PCDHGA6: variants seen among roughly 807,000 people sequenced by gnomAD.
PCDHGA6 encodes protocadherin gamma-A6.
In PCDHGA6, 41 loss-of-function variants were observed where a neutral mutation model predicts 60.6. The observed-to-expected ratio is 0.68, with a 90% CI of 0.53 to 0.88. The LOEUF is 0.88. PCDHGA6 is among the 40% of genes least tolerant of loss of function. PCDHGA6 has a pLI of 0.00. For missense variants in PCDHGA6, 1,312 were observed against 1,203.0 expected, an observed-to-expected ratio of 1.09 and a Z score of -1.34; for synonymous variants, 594 against 524.4, an observed-to-expected ratio of 1.13 and a Z score of -1.81.
In PCDHGA6 at chr5:141,399,219, G is replaced by A. The variant is rs775267424; in HGVS notation, c.2424+22712G>A. The A allele has an allele frequency of 2.5e-6, 4 of 1,613,924 alleles. No homozygotes were observed. The South Asian group carries it at 3.3e-5, about 13-fold the overall frequency. On this transcript the variant is annotated intron_variant, in intron 1 of 3. Coordinates refer to ENST00000517434, the MANE Select transcript of PCDHGA6 (RefSeq NM_018919.3). Reference sequence around the variant, plus strand: ...CGGTGCCTGGAACACTAATTGCTTTGATCAAAATACATGACCAAGATTCTG... The same window carrying A: ...CGGTGCCTGGAACACTAATTGCTTTAATCAAAATACATGACCAAGATTCTG...
At chr5:141,433,995 C>G (rs995723859) in intron 1 of PCDHGA6, among the ~76,000 whole-genome samples, 1 of 152,028 alleles carries the variant, frequency 6.6e-6, no homozygotes, top group Non-Finnish European at 1.5e-5. Context: ...GTTTTATATT[C>G]TCTATATATG....
intron 1 of PCDHGA6, chr5:141,414,301 C>A (rs199806270): frequency 1.1e-5 from 18 of 1,613,280 alleles, no homozygotes; most frequent in Non-Finnish European, 1.7e-6. Flanking sequence ...TTTAAATGTG[C>A]ATGATTTAGA....
At chr5:141,409,979 G>T in intron 1 of PCDHGA6, 1 of 1,613,348 alleles carries the variant, frequency 6.2e-7, no homozygotes, top group Non-Finnish European at 8.5e-7. Flanking sequence ...TAAGGTGGTA[G>T]CGGTGGACGC....
At chr5:141,439,898 C>A (rs1428014089) in intron 1 of PCDHGA6, 2 of 152,344 alleles carry the variant, frequency 1.3e-5, no homozygotes, top group African/African-American at 4.8e-5. Flanking sequence ...ACCAAGGCGA[C>A]TACTGCCTCC....
chr5:141,485,093 T>C lies in PCDHGA6; in HGVS notation c.2425-9714T>C. 1 of 1,076,296 alleles carries C rather than the reference T, an allele frequency of 9.3e-7. No homozygotes were observed. Among genetic ancestry groups the C allele is most frequent in the Non-Finnish European group, 1.4e-6 (1 of 718,118 alleles). 66.7% of individuals were successfully genotyped at this position (1,076,296 alleles called of 1,614,324 possible). ...TGGCGCGGGGAAAGGGAGATAGGTG[T>C]CTCCAGCTGCTGTGGCTGTTTGGGG... On this transcript the variant is annotated intron_variant, in intron 1 of 3. Coordinates refer to ENST00000517434, the MANE Select transcript of PCDHGA6 (RefSeq NM_018919.3). The surrounding 1 kb of genome is among the most constrained non-coding windows in gnomAD (Gnocchi z 5.7).
chr5:141,383,869 G>C (rs1311272718), intron 1 of PCDHGA6: 1 of 1,613,980 alleles, frequency 6.2e-7, no homozygotes, highest in Non-Finnish European at 8.5e-7. Context: ...GGCTCAAGAT[G>C]GTCCTGGTAG....
At chr5:141,390,204 G>A in intron 1 of PCDHGA6, 1 of 1,614,036 alleles carries the variant, frequency 6.2e-7, no homozygotes, top group Non-Finnish European at 8.5e-7. Flanking sequence ...GTTGAGTTCA[G>A]GACAAGACAT....
intron 1 of PCDHGA6, among the ~76,000 whole-genome samples, chr5:141,438,139 T>C (rs2097931816): frequency 6.6e-6 from 1 of 152,152 alleles, no homozygotes. Context: ...TGGCAAAAGA[T>C]AGCCAGCCTA....
chr5:141,415,515 G>A (rs752258863), intron 1 of PCDHGA6: 5 of 1,614,152 alleles, frequency 3.1e-6, no homozygotes, highest in South Asian at 1.1e-5. Flanking sequence ...CCAATTATGC[G>A]GACACGCTCA....
chr5:141,490,585 G>C lies in PCDHGA6; in HGVS notation c.2425-4222G>C. On this transcript the variant is annotated intron_variant, in intron 1 of 3. Transcript: ENST00000517434. The surrounding 1 kb of genome is among the most constrained non-coding windows in gnomAD (Gnocchi z 5.4). Reference sequence around the variant, plus strand: ...CAGGCTCAACATTTCAGATGTCAATGACAATGCACCCCGCTTCAACCAGCA... The same window carrying C: ...CAGGCTCAACATTTCAGATGTCAATCACAATGCACCCCGCTTCAACCAGCA... The C allele has an allele frequency of 6.2e-7, 1 of 1,614,142 alleles. No homozygotes were observed. Among genetic ancestry groups the C allele is most frequent in the South Asian group, 1.1e-5 (1 of 91,078 alleles).
intron 1 of PCDHGA6, among the ~76,000 whole-genome samples, chr5:141,492,167 C>T (rs565536989): frequency 6.6e-6 from 1 of 152,344 alleles, no homozygotes; most frequent in East Asian, 1.9e-4. Context: ...CCTATCCCCG[C>T]ATCACCCAAC....
rs1214425261 is a variant in PCDHGA6 at position 141,485,865 on chromosome 5, C to G, written c.2425-8942C>G. On this transcript the variant is annotated intron_variant, in intron 1 of 3. Coordinates refer to ENST00000517434, the MANE Select transcript of PCDHGA6 (RefSeq NM_018919.3). This position sits in a 1 kb window ranked among gnomAD's most constrained non-coding sequence, Gnocchi z 5.7. The stretch of plus-strand genomic sequence containing the variant: ...TCTGGCACCGCAGAGCTCCGGGTAT[C>G]CGTGCTGGACGTAAACGACAACGCC... The G allele has an allele frequency of 1.2e-6, 2 of 1,614,182 alleles. No individual in the cohort carries two copies.
chr5:141,453,669 G>T (rs1390396079), intron 1 of PCDHGA6, among the ~76,000 whole-genome samples: 1 of 152,034 alleles, frequency 6.6e-6, no homozygotes, highest in Non-Finnish European at 1.5e-5. Context: ...TTACACAAAA[G>T]GTAACACACT....
rs930862898 is a variant in PCDHGA6 at position 141,480,073 on chromosome 5, C to A, written c.2425-14734C>A. ...GGAATAATAAGTGTTTTATAAGATT[C>A]ATGCATGATATAATGTATGCAAAGT... On this transcript the variant is annotated intron_variant, in intron 1 of 3. Coordinates refer to ENST00000517434, the MANE Select transcript of PCDHGA6 (RefSeq NM_018919.3). Among the ~76,000 whole-genome samples, 5 of 152,174 alleles carry A rather than the reference C, an allele frequency of 3.3e-5. No homozygotes were observed. In the South Asian group the frequency reaches 8.3e-4, roughly 25 times the overall value.
intron 1 of PCDHGA6, among the ~76,000 whole-genome samples, chr5:141,451,073 C>A (rs1346074089): frequency 6.6e-6 from 1 of 151,958 alleles, no homozygotes; most frequent in Non-Finnish European, 1.5e-5. Flanking sequence ...TGTGATCCAC[C>A]CACCTTGACC....
Position 141,489,830 on chromosome 5 carries a change from A to C in PCDHGA6, c.2425-4977A>C. On this transcript the variant is annotated intron_variant, in intron 1 of 3. Transcript: ENST00000517434. The surrounding 1 kb of genome is among the most constrained non-coding windows in gnomAD (Gnocchi z 4.5). ...AAGCCATTCCCAGAGCTGGTGCTAG[A>C]GCAGCAGCTGGATCGTGAAGCCCAG... 1 of 1,614,200 alleles carries C rather than the reference A, an allele frequency of 6.2e-7. No homozygotes were observed. Among genetic ancestry groups the C allele is most frequent in the Non-Finnish European group, 8.5e-7 (1 of 1,180,010 alleles).
intron 1 of PCDHGA6, chr5:141,419,158 C>T (rs757849297): frequency 5.0e-6 from 8 of 1,613,950 alleles, no homozygotes; most frequent in Admixed American, 1.7e-5. Context: ...CTCCGTTATC[C>T]TCCAGCAAAA....
Position 141,486,515 on chromosome 5 carries a change from G to A in PCDHGA6, c.2425-8292G>A. ...AACTATTTTCCTCAATATTTCAGAT[G>A]TGAATGATAATCCACCCTCTTTCTT... On this transcript the variant is annotated intron_variant, in intron 1 of 3. Transcript: ENST00000517434. This position sits in a 1 kb window ranked among gnomAD's most constrained non-coding sequence, Gnocchi z 5.0. 1 of 1,614,172 alleles carries A rather than the reference G, an allele frequency of 6.2e-7. No individual in the cohort carries two copies. The highest frequency in any genetic ancestry group is 8.5e-7 in the Non-Finnish European group (1 of 1,180,026).
At chr5:141,453,379 C>T (rs980792532) in intron 1 of PCDHGA6, among the ~76,000 whole-genome samples, 1 of 152,050 alleles carries the variant, frequency 6.6e-6, no homozygotes, top group Non-Finnish European at 1.5e-5. Context: ...AGTGATCCTC[C>T]TGCCTTAGCC....
Sources: allele counts gnomAD v4.1 joint callset (sites outside exome capture counted in the v4.1 genomes callset), GRCh38; gene constraint gnomAD v4.1.1; non-coding constraint Gnocchi (gnomAD v3.1); transcripts MANE v1.5; gene names NCBI Gene and HGNC (gene_info 2026-07-23, HGNC 2026-07-21).